KCNMA1: variants seen among roughly 807,000 people sequenced by gnomAD.
KCNMA1 encodes potassium calcium-activated channel subfamily M alpha 1.
A neutral mutation model predicts 140.0 loss-of-function variants in KCNMA1; 29 were observed. The observed-to-expected ratio is 0.21, with a 90% CI of 0.15 to 0.28. The LOEUF is 0.28. Ranked by LOEUF, KCNMA1 falls within the 10% of genes least tolerant of loss-of-function variation. The pLI, the probability that KCNMA1 is intolerant of heterozygous loss-of-function variation, is 1.00. For missense variants in KCNMA1, 880 were observed against 1,602.2 expected (o/e 0.55, Z 7.70); for synonymous variants, 612 against 611.9 (o/e 1.00, Z 0.00).
intron 2 of KCNMA1, among the ~76,000 whole-genome samples, chr10:77,311,043 C>A (rs147233901): frequency 6.6e-6 from 1 of 152,292 alleles, no homozygotes; most frequent in East Asian, 1.9e-4. Context: ...GCTGTCAGTT[C>A]AAAAGTTTGG....
At chr10:77,597,312 A>G (rs1178075039) in intron 1 of KCNMA1, among the ~76,000 whole-genome samples, 1 of 152,172 alleles carries the variant, frequency 6.6e-6, no homozygotes, top group Non-Finnish European at 1.5e-5. Flanking sequence ...GTAGTTATCA[A>G]CAATGTATTG....
intron 2 of KCNMA1, among the ~76,000 whole-genome samples, chr10:77,382,992 G>GTATATATA (rs1227873900): frequency 1.3e-4 from 6 of 44,480 alleles, no homozygotes; most frequent in African/African-American, 8.0e-4. Context: ...GTGTGTGTGT[G>GTATATATA]TGTATATATA....
intron 1 of KCNMA1, among the ~76,000 whole-genome samples, chr10:77,413,675 C>A (rs1012758208): frequency 6.6e-6 from 1 of 152,044 alleles, no homozygotes; most frequent in African/African-American, 2.4e-5. Flanking sequence ...TCACTTCTGC[C>A]CCTGGGAAGT....
intron 19 of KCNMA1, chr10:76,974,169 A>T: frequency 8.0e-6 from 2 of 249,548 alleles, no homozygotes; most frequent in Non-Finnish European, 1.5e-5. Context: ...GCAGGTCATT[A>T]GTAATGTCAT....
chr10:77,151,390 G>A (rs890582203), intron 5 of KCNMA1, among the ~76,000 whole-genome samples: 15 of 152,110 alleles, frequency 9.9e-5, no homozygotes, highest in Admixed American at 9.2e-4. Flanking sequence ...ACCAGGCCCA[G>A]CTAATTTTTG....
At chr10:77,354,020 T>C (rs2093223781) in intron 2 of KCNMA1, among the ~76,000 whole-genome samples, 1 of 146,074 alleles carries the variant, frequency 6.8e-6, no homozygotes, top group African/African-American at 2.6e-5. Context: ...TCTTGTTCTG[T>C]CACCCAGGCT....
chr10:77,632,135 G>A (rs1296668839), intron 1 of KCNMA1, among the ~76,000 whole-genome samples: 1 of 152,190 alleles, frequency 6.6e-6, no homozygotes, highest in African/African-American at 2.4e-5. Flanking sequence ...TTCTCTACCA[G>A]CAGGATGCCG....
At chr10:77,229,208 C>T (rs1347350869) in intron 3 of KCNMA1, among the ~76,000 whole-genome samples, 1 of 152,008 alleles carries the variant, frequency 6.6e-6, no homozygotes, top group African/African-American at 2.4e-5. Context: ...CAATGGTTAG[C>T]TCAGTAAATC....
rs148750807 is a variant in KCNMA1, at chr10:76,878,684, C to T, written c.3428-794G>A. On this transcript the variant is annotated intron_variant, in intron 29 of 29. Coordinates refer to the KCNMA1 transcript ENST00000372403. Reference sequence around the variant, plus strand: ...ATGAAGTCTTGGCATTTCATTTCCACCCTAAATACAGAAATGGCTGAGAGA... The same window carrying T: ...ATGAAGTCTTGGCATTTCATTTCCATCCTAAATACAGAAATGGCTGAGAGA... 1.9e-3 allele frequency among the ~76,000 whole-genome samples: 282 copies of T among 152,294 alleles called. 3 individuals carry two copies. Among genetic ancestry groups the T allele is most frequent in the African/African-American group, 6.6e-3 (276 of 41,552 alleles).
rs182926817 is a variant in KCNMA1, at chr10:77,076,542, C to T, written c.1593+2939G>A. Among the ~76,000 whole-genome samples the T allele has an allele frequency of 2.1e-4, 32 of 152,236 alleles. No individual in the cohort carries two copies. In the East Asian group the frequency reaches 4.7e-3, roughly 22 times the overall value. ...TGGGCTGTGGCTCCATTTAAAGAGT[C>T]GGTGGCAGTAAGCTCTTCTGTCTCC... On this transcript the variant is annotated intron_variant, in intron 13 of 27. Coordinates refer to ENST00000286628, the MANE Select transcript of KCNMA1 (RefSeq NM_001161352.2).
intron 5 of KCNMA1, among the ~76,000 whole-genome samples, chr10:77,123,050 G>A (rs1341098899): frequency 6.6e-6 from 1 of 151,202 alleles, no homozygotes; most frequent in African/African-American, 2.4e-5. Flanking sequence ...CGTGGTGGCG[G>A]GCGCCTGTAG....
intron 2 of KCNMA1, among the ~76,000 whole-genome samples, chr10:77,305,487 A>T (rs2077474160): frequency 1.3e-5 from 2 of 152,280 alleles, no homozygotes; most frequent in Middle Eastern, 3.4e-3. Context: ...GATTCTACCC[A>T]GTTCTCTCTG....
At chr10:77,161,335 C>A (rs2098551997) in intron 5 of KCNMA1, among the ~76,000 whole-genome samples, 1 of 152,114 alleles carries the variant, frequency 6.6e-6, no homozygotes, top group Non-Finnish European at 1.5e-5. Context: ...GCAGCCTCAA[C>A]CTCTTTGCCT....
At chr10:76,881,452 G>A (rs971453665), downstream of KCNMA1, among the ~76,000 whole-genome samples, 6 of 152,052 alleles carry the variant, frequency 3.9e-5, no homozygotes, top group South Asian at 8.3e-4. Context: ...TAATATCAGC[G>A]GGCATTATAT....
intron 1 of KCNMA1, among the ~76,000 whole-genome samples, chr10:77,465,154 AGTCTCTGATGATGCT>A (rs2097963133): frequency 6.6e-6 from 1 of 152,208 alleles, no homozygotes; most frequent in South Asian, 2.1e-4. Context: ...CCAAACATAC[AGTCTCTGATGATGCT>A]GAGCGTGGCA....
chr10:76,941,391 A>G (rs1301602228), intron 23 of KCNMA1, among the ~76,000 whole-genome samples: 1 of 152,176 alleles, frequency 6.6e-6, no homozygotes, highest in Non-Finnish European at 1.5e-5. Flanking sequence ...AACTCAGCTC[A>G]CAGAGTCAGC....
chr10:77,359,530 G>A (rs1747787299), intron 2 of KCNMA1, among the ~76,000 whole-genome samples: 2 of 152,118 alleles, frequency 1.3e-5, no homozygotes, highest in African/African-American at 2.4e-5. Context: ...GGAGTCCAGA[G>A]TCTACCACAC....
chr10:76,979,109 G>T (rs1040137307), intron 19 of KCNMA1, among the ~76,000 whole-genome samples: 4 of 152,128 alleles, frequency 2.6e-5, no homozygotes, highest in African/African-American at 9.7e-5. Context: ...TTGAGGTACT[G>T]GTTCTGCCAC....
At chr10:77,202,560 C>G (rs546254285) in intron 3 of KCNMA1, among the ~76,000 whole-genome samples, 2 of 152,168 alleles carry the variant, frequency 1.3e-5, no homozygotes, top group Non-Finnish European at 2.9e-5. Flanking sequence ...ACTCAGTGCT[C>G]ACCACACTGA....
Sources: gnomAD v4.1 joint callset for allele counts (sites outside exome capture counted in the v4.1 genomes callset) on GRCh38, gnomAD v4.1.1 for gene constraint, MANE v1.5 for transcripts, NCBI Gene and HGNC (gene_info 2026-07-23, HGNC 2026-07-21) for gene names.